The following CDH4 variants were observed in gnomAD, a reference collection of about 807,000 sequenced individuals.
CDH4 encodes the protein cadherin 4.
In CDH4, 33 loss-of-function variants were observed where a neutral mutation model predicts 86.0. The observed-to-expected ratio is 0.38, with a 90% CI of 0.29 to 0.51. The LOEUF is 0.51. CDH4 is among the 20% of genes least tolerant of loss of function. The pLI, the probability that CDH4 is intolerant of heterozygous loss-of-function variation, is 0.86. For synonymous variants in CDH4, 555 were observed against 549.4 expected, an observed-to-expected ratio of 1.01 and a Z score of -0.14; for missense variants, 1,114 against 1,307.4, an observed-to-expected ratio of 0.85 and a Z score of 2.28.
Position 61,271,817 on chromosome 20 carries a change from G to A in CDH4, c.169+16880G>A, listed in dbSNP as rs1018893253. On this transcript the variant is annotated intron_variant, in intron 2 of 15. Transcript: ENST00000614565. ...CTTTTTGCAATGGAAAGATGAAAACGAGGTGTCGCTGAGCTCTCCCCTCAA... is the reference window on the plus strand; with the variant it reads ...CTTTTTGCAATGGAAAGATGAAAACAAGGTGTCGCTGAGCTCTCCCCTCAA... Among the ~76,000 whole-genome samples the A allele has an allele frequency of 4.6e-5, 7 of 152,156 alleles. No individual in the cohort carries two copies. In the East Asian group the frequency reaches 5.8e-4, roughly 13 times the overall value.
At chr20:61,359,492 C>G (rs559272073) in intron 2 of CDH4, among the ~76,000 whole-genome samples, 1 of 152,224 alleles carries the variant, frequency 6.6e-6, no homozygotes, top group African/African-American at 2.4e-5. Flanking sequence ...TTCCTTCCCA[C>G]CACCTCCACG....
At chr20:61,258,336 A>AAAAAAAG (rs1178177743) in intron 2 of CDH4, among the ~76,000 whole-genome samples, 4 of 140,264 alleles carry the variant, frequency 2.9e-5, no homozygotes, top group Non-Finnish European at 6.3e-5. Flanking sequence ...TCTCAAAAAA[A>AAAAAAAG]AAAAAAAAAG....
intron 2 of CDH4, among the ~76,000 whole-genome samples, chr20:61,362,260 T>C (rs927756791): frequency 3.3e-5 from 5 of 150,716 alleles, no homozygotes; most frequent in Admixed American, 3.3e-4. Flanking sequence ...TGGGGAGGGG[T>C]TTGGGGTTTT....
intron 2 of CDH4, among the ~76,000 whole-genome samples, chr20:61,444,381 C>A (rs1360450689): frequency 3.1e-4 from 8 of 26,064 alleles, no homozygotes; most frequent in East Asian, 1.0e-3. Flanking sequence ...ATGTGTGTGT[C>A]TATGTGTGTC....
intron 4 of CDH4, among the ~76,000 whole-genome samples, chr20:61,835,541 C>T (rs1483064833): frequency 6.6e-6 from 1 of 151,692 alleles, no homozygotes; most frequent in African/African-American, 2.4e-5. Context: ...TCCCAGAAGA[C>T]GGAGTGGGGC....
intron 2 of CDH4, among the ~76,000 whole-genome samples, chr20:61,270,157 C>T (rs549421427): frequency 9.0e-4 from 137 of 152,306 alleles, no homozygotes; most frequent in African/African-American, 3.2e-3. Flanking sequence ...CTCTGTTAGG[C>T]TGATGGGGGA....
chr20:61,605,381 G>C (rs755484466), intron 2 of CDH4, among the ~76,000 whole-genome samples: 5 of 151,220 alleles, frequency 3.3e-5, no homozygotes, highest in African/African-American at 9.7e-5. Context: ...CTCCCTCTCT[G>C]TATCTCTGTC....
At chr20:61,596,579 C>T (rs1466531331) in intron 2 of CDH4, among the ~76,000 whole-genome samples, 4 of 152,138 alleles carry the variant, frequency 2.6e-5, no homozygotes, top group Non-Finnish European at 5.9e-5. Flanking sequence ...CAGTGATCAC[C>T]CTGGCTGTAA....
At chr20:61,373,849 A>G (rs2084852967) in intron 2 of CDH4, among the ~76,000 whole-genome samples, 1 of 152,210 alleles carries the variant, frequency 6.6e-6, no homozygotes, top group African/African-American at 2.4e-5. Context: ...AGCAGCTTGA[A>G]GAAGTAGACA....
Position 61,923,637 on chromosome 20 carries a change from C to G in CDH4, c.1561C>G (p.Pro521Ala). The G allele has an allele frequency of 6.2e-7, 1 of 1,613,902 alleles. No homozygotes were observed. The highest frequency in any genetic ancestry group is 8.5e-7 in the Non-Finnish European group (1 of 1,179,940). The change falls in exon 10 of 16, where the codon CCC (proline) becomes GCC (alanine). Residue 521 changes from proline (P) to alanine (A), a missense_variant. Around this residue, in one of 3 missense-constraint regions of CDH4, gnomAD observed 705 missense variants for 914.1 expected, o/e 0.77. Coordinates refer to ENST00000614565, the MANE Select transcript of CDH4 (RefSeq NM_001794.5). The part of the protein sequence containing the change: ...HKLIRLEEGV[P>A]PGTVLTTFSA... The stretch of plus-strand genomic sequence containing the variant: ...GCTGATCCGCCTGGAGGAGGGCGTG[C>G]CCCCCGGCACCGTGCTGACCACGTT...
intron 4 of CDH4, among the ~76,000 whole-genome samples, chr20:61,800,580 C>A (rs1979777006): frequency 6.6e-6 from 1 of 152,256 alleles, no homozygotes; most frequent in South Asian, 2.1e-4. Context: ...CAAGACAGGG[C>A]AGAGCGGGGC....
intron 6 of CDH4, among the ~76,000 whole-genome samples, chr20:61,865,312 C>T (rs6089531): frequency 0.89 from 135,492 of 152,162 alleles, 62,035 homozygotes; most frequent in East Asian, 0.99. Context: ...ATGGTTTATG[C>T]AGGTGATAAC....
chr20:61,780,753 A>G (rs1013963515), intron 4 of CDH4, among the ~76,000 whole-genome samples: 5 of 152,224 alleles, frequency 3.3e-5, no homozygotes, highest in Non-Finnish European at 7.3e-5. Context: ...TGGGGACTCC[A>G]CGCTCGAAGG....
chr20:61,629,922 C>G (rs759684486), intron 2 of CDH4, among the ~76,000 whole-genome samples: 1 of 152,196 alleles, frequency 6.6e-6, no homozygotes, highest in Non-Finnish European at 1.5e-5. Context: ...TCCCCTGTGA[C>G]TCAGCGCAAG....
At chr20:61,881,720 C>T (rs1028284873) in intron 7 of CDH4, among the ~76,000 whole-genome samples, 3 of 152,172 alleles carry the variant, frequency 2.0e-5, no homozygotes, top group African/African-American at 7.2e-5. Context: ...CCGTCACAGC[C>T]GGAAGTCCAG....
intron 2 of CDH4, among the ~76,000 whole-genome samples, chr20:61,373,515 G>A (rs565687696): frequency 7.7e-4 from 118 of 152,272 alleles, no homozygotes; most frequent in African/African-American, 2.5e-3. Context: ...AATGAATGTC[G>A]TCCTGGGGCT....
intron 3 of CDH4, among the ~76,000 whole-genome samples, chr20:61,770,895 A>AAC (rs5842366): frequency 1.3e-5 from 2 of 151,912 alleles, no homozygotes; most frequent in South Asian, 2.1e-4. Context: ...AAAAAAAAAA[A>AAC]ACACAGAAAG....
At chr20:61,302,453 G>A (rs955443531) in intron 2 of CDH4, among the ~76,000 whole-genome samples, 5 of 151,780 alleles carry the variant, frequency 3.3e-5, no homozygotes, top group Non-Finnish European at 2.9e-5. Flanking sequence ...AAGCATCCAG[G>A]ATGTTTCCTG....
intron 6 of CDH4, among the ~76,000 whole-genome samples, chr20:61,859,704 G>A (rs879896999): frequency 8.5e-5 from 13 of 152,370 alleles, no homozygotes; most frequent in Admixed American, 2.0e-4. Flanking sequence ...CATCCATTGG[G>A]CACATTTGTG....
Sources: allele counts gnomAD v4.1 joint callset (sites outside exome capture counted in the v4.1 genomes callset), GRCh38; gene constraint gnomAD v4.1.1; regional missense constraint gnomAD v4.1.1; transcripts MANE v1.5; gene names NCBI Gene and HGNC (gene_info 2026-07-23, HGNC 2026-07-21).